POLN: variants seen among roughly 807,000 people sequenced by gnomAD.
POLN encodes DNA polymerase N.
POLN carries 108 observed loss-of-function variants against 113.5 expected under a neutral mutation model. That is an observed-to-expected ratio of 0.95 (90% CI 0.81 to 1.12). The LOEUF (loss-of-function observed/expected upper bound fraction) is 1.12, where lower values mean the gene tolerates loss of function less well. Among genes scored for constraint, POLN ranks in the 50% most tolerant of loss-of-function variants. POLN has a pLI of 0.00. For synonymous variants in POLN, 386 were observed against 391.5 expected (o/e 0.99, Z 0.17); for missense variants, 1,097 against 1,077.1 (o/e 1.02, Z -0.26).
Position 2,229,217 on chromosome 4 carries a change from C to T in POLN, c.15G>A (p.Glu5=), listed in dbSNP as rs368054532. 1 of 1,598,748 alleles carries T rather than the reference C, an allele frequency of 6.3e-7. No homozygotes were observed. Among genetic ancestry groups the T allele is most frequent in the Admixed American group, 1.8e-5 (1 of 56,414 alleles). The change falls in exon 3 of 26, where the codon GAG becomes GAA. Residue 5 remains glutamate, a synonymous_variant. Transcript: ENST00000511885. ...TACAGAGATCAAAGCCTACCAATGC[C>T]TCATAATTTTCCATTTTCACAAAAT... The part of the protein sequence containing the change: MENY[E]ALVGFDLCNT...
intron 16 of POLN, among the ~76,000 whole-genome samples, chr4:2,155,900 T>C (rs1228338399): frequency 6.6e-6 from 1 of 152,148 alleles, no homozygotes; most frequent in African/African-American, 2.4e-5. Context: ...AGTGGCGTTA[T>C]CTCGGCTCAC....
At chr4:2,156,071 G>A (rs1189482222) in intron 16 of POLN, among the ~76,000 whole-genome samples, 4 of 152,138 alleles carry the variant, frequency 2.6e-5, no homozygotes, top group Non-Finnish European at 5.9e-5. Context: ...CTGACCTCAT[G>A]ATCCACCGCC....
At chr4:2,084,850 T>G (rs1577681904) in intron 21 of POLN, among the ~76,000 whole-genome samples, 1 of 152,250 alleles carries the variant, frequency 6.6e-6, no homozygotes, top group Non-Finnish European at 1.5e-5. Flanking sequence ...TCATTCATCC[T>G]CCTCTTTGTT....
chr4:2,103,872 T>A (rs879934476), intron 19 of POLN, among the ~76,000 whole-genome samples: 1 of 152,184 alleles, frequency 6.6e-6, no homozygotes, highest in Non-Finnish European at 1.5e-5. Context: ...TCCAGTAATA[T>A]AACCTTCATA....
chr4:2,078,070 G>A (rs1730318100), intron 23 of POLN, among the ~76,000 whole-genome samples: 1 of 152,250 alleles, frequency 6.6e-6, no homozygotes, highest in Admixed American at 6.5e-5. Flanking sequence ...GCCTGCAGGG[G>A]CAGCTCCCTT....
intron 23 of POLN, chr4:2,078,505 C>T (rs1730329793): frequency 2.5e-6 from 2 of 812,824 alleles, no homozygotes; most frequent in Non-Finnish European, 1.5e-6. Context: ...CAGACTCTCG[C>T]TCTCGCCCAG....
At chr4:2,239,121 CT>C in intron 2 of POLN, 1 of 702,794 alleles carries the variant, frequency 1.4e-6, no homozygotes, top group Non-Finnish European at 2.2e-6. Flanking sequence ...TCACTTTCCA[CT>C]TTAGGTGACC....
chr4:2,168,314 A>T (rs1228850845), intron 13 of POLN, among the ~76,000 whole-genome samples: 1 of 152,212 alleles, frequency 6.6e-6, no homozygotes, highest in Non-Finnish European at 1.5e-5. Context: ...GAGAGGAGCC[A>T]CAACGCTCAC....
chr4:2,229,213 A>G lies in POLN; in HGVS notation c.19T>C (p.Leu7=). ...GTATTACAGAGATCAAAGCCTACCA[A>G]TGCCTCATAATTTTCCATTTTCACA... MENYEA[L]VGFDLCNTPL... is the part of the protein sequence containing the mutation. The change falls in exon 3 of 26, where the codon TTG becomes CTG. Residue 7 remains leucine (L), a synonymous_variant. Coordinates refer to ENST00000511885, the MANE Select transcript of POLN (RefSeq NM_181808.4). 6.3e-7 allele frequency: 1 copy of G among 1,598,714 alleles called. No individual in the cohort carries two copies. Among genetic ancestry groups the G allele is most frequent in the Non-Finnish European group, 8.5e-7 (1 of 1,173,986 alleles).
At chr4:2,151,870 C>T (rs1732304727) in intron 16 of POLN, among the ~76,000 whole-genome samples, 1 of 152,148 alleles carries the variant, frequency 6.6e-6, no homozygotes, top group Admixed American at 6.5e-5. Flanking sequence ...GATACTTTTG[C>T]ACAACTGGTA....
At chr4:2,179,673 C>T (rs981500649) in intron 7 of POLN, among the ~76,000 whole-genome samples, 2 of 152,132 alleles carry the variant, frequency 1.3e-5, no homozygotes, top group Admixed American at 6.6e-5. Context: ...CCACATGGCC[C>T]GTCTCTGTGG....
intron 5 of POLN, among the ~76,000 whole-genome samples, chr4:2,205,698 C>T (rs1733824353): frequency 6.6e-6 from 1 of 151,980 alleles, no homozygotes; most frequent in Non-Finnish European, 1.5e-5. Flanking sequence ...TATGGTGAAA[C>T]CTCGTCTCTG....
chr4:2,076,056 C>T (rs1293239738), intron 23 of POLN, among the ~76,000 whole-genome samples: 1 of 152,154 alleles, frequency 6.6e-6, no homozygotes, highest in East Asian at 1.9e-4. Context: ...CCAGCCAGGC[C>T]CCAGCCAAGC....
At chr4:2,129,090 A>G in intron 18 of POLN, 89 bp downstream of exon 18, 1 of 940,652 alleles carries the variant, frequency 1.1e-6, no homozygotes, top group Non-Finnish European at 1.6e-6. Flanking sequence ...TTTATTTGAA[A>G]GAATGAATTC....
At chr4:2,152,176 C>A (rs999348951) in intron 16 of POLN, among the ~76,000 whole-genome samples, 1 of 151,282 alleles carries the variant, frequency 6.6e-6, no homozygotes, top group African/African-American at 2.4e-5. Context: ...GGACCATAGG[C>A]GTGCACCACC....
chr4:2,232,148 GCT>G, intron 2 of POLN: 1 of 1,512,714 alleles, frequency 6.6e-7, no homozygotes, highest in East Asian at 2.4e-5. Flanking sequence ...TTATGAAACT[GCT>G]CTGTTAACTC....
At chr4:2,202,437 A>T (rs1733740168) in intron 5 of POLN, among the ~76,000 whole-genome samples, 1 of 152,208 alleles carries the variant, frequency 6.6e-6, no homozygotes, top group African/African-American at 2.4e-5. Context: ...GCAGTTAAAA[A>T]AGACAAAGAG....
intron 20 of POLN, chr4:2,089,232 T>G: frequency 6.5e-7 from 1 of 1,532,284 alleles, no homozygotes; most frequent in African/African-American, 1.4e-5. Context: ...CATCAATTGT[T>G]TCTGCAATCA....
intron 10 of POLN, 47 bp from the exon 11 acceptor site, chr4:2,174,066 T>G (rs763955436): frequency 1.3e-6 from 2 of 1,577,468 alleles, no homozygotes; most frequent in East Asian, 4.5e-5. Context: ...TAATGTATTC[T>G]TTTTACTAAA....
Sources: gnomAD v4.1 joint callset for allele counts (sites outside exome capture counted in the v4.1 genomes callset) on GRCh38, gnomAD v4.1.1 for gene constraint, MANE v1.5 for transcripts, NCBI Gene and HGNC (gene_info 2026-07-23, HGNC 2026-07-21) for gene names.